Variants in MMP7 observed in about 807,000 individuals in gnomAD.
MMP7 encodes the protein matrix metallopeptidase 7.
MMP7 carries 26 observed loss-of-function variants against 31.5 expected under a neutral mutation model. That is an observed-to-expected ratio of 0.83 (90% CI 0.61 to 1.15). The LOEUF (loss-of-function observed/expected upper bound fraction) is 1.15, where lower values mean the gene tolerates loss of function less well. Ranked by LOEUF, MMP7 falls within the 50% of genes most tolerant of loss-of-function variation. The pLI is 0.00. For synonymous variants in MMP7, 142 were observed against 124.2 expected, an observed-to-expected ratio of 1.14 and a Z score of -0.95; for missense variants, 367 against 326.5, an observed-to-expected ratio of 1.12 and a Z score of -0.96.
At chr11:102,520,845 A>G in intron 5 of MMP7, 41 bp from the exon 6 acceptor site, 1 of 1,357,782 alleles carries the variant, frequency 7.4e-7, no homozygotes, top group Non-Finnish European at 1.0e-6. Context: ...TATGTAGAAA[A>G]TGCATAAAAA....
intron 5 of MMP7, among the ~76,000 whole-genome samples, chr11:102,522,800 G>A (rs17879623): frequency 1.3e-5 from 2 of 152,280 alleles, no homozygotes; most frequent in East Asian, 1.9e-4. Flanking sequence ...GTGGTTAACC[G>A]CTTTCTCTAC....
At chr11:102,526,470 C>T (rs889477323) in intron 3 of MMP7, among the ~76,000 whole-genome samples, 4 of 152,070 alleles carry the variant, frequency 2.6e-5, no homozygotes, top group African/African-American at 9.7e-5. Context: ...CTCCTGACCG[C>T]AGATGATCCA....
intron 1 of MMP7, 68 bp downstream of exon 1, chr11:102,530,525 T>C (rs1565377294): frequency 1.9e-5 from 24 of 1,296,198 alleles, no homozygotes; most frequent in Admixed American, 1.0e-4. Flanking sequence ...AGGGAAATAA[T>C]TGAAAAACAC....
At chr11:102,524,646 G>C (rs1438729576) in intron 4 of MMP7, 1 of 195,422 alleles carries the variant, frequency 5.1e-6, no homozygotes, top group Non-Finnish European at 1.0e-5. Flanking sequence ...TTCCACAGAG[G>C]AGGAAACTGA....
intron 2 of MMP7, 33 bp downstream of exon 2, chr11:102,527,721 ATTG>A: frequency 8.1e-6 from 13 of 1,613,666 alleles, no homozygotes; most frequent in Non-Finnish European, 1.1e-5. Context: ...AACAGGCTTT[ATTG>A]TTTTTGCCAA....
chr11:102,530,015 A>G (rs1381724690), intron 1 of MMP7, among the ~76,000 whole-genome samples: 1 of 152,194 alleles, frequency 6.6e-6, no homozygotes, highest in African/African-American at 2.4e-5. Context: ...TTTCTACTGG[A>G]CACATGAGAA....
At position 102,530,615 on chromosome 11, in the gene MMP7, TC is replaced by T; in HGVS notation, c.85del (p.Glu29SerfsTer27). 1 of 1,613,984 alleles carries T rather than the reference TC, an allele frequency of 6.2e-7. No homozygotes were observed. Among genetic ancestry groups the T allele is most frequent in the Non-Finnish European group, 8.5e-7 (1 of 1,179,896 alleles). Reference protein sequence around the residue: ...PLPQEAGGMSELQWEQAQDYL... With the variant: ...PLPQEAGGMSXLQWEQAQDYL... Reference sequence around the variant, plus strand: ...TACCTGAGCCTGTTCCCACTGTAGCTCACTCATGCCTCCCGCCTCCTGAGGC... The same window carrying T: ...TACCTGAGCCTGTTCCCACTGTAGCTACTCATGCCTCCCGCCTCCTGAGGC... On this transcript the variant is annotated frameshift_variant, in exon 1 of 6. Transcript: ENST00000260227. LOFTEE classifies it high-confidence loss of function.
intron 3 of MMP7, 188 bp downstream of exon 3, chr11:102,527,336 C>CTATTAT (rs1858682694): frequency 2.9e-6 from 2 of 685,900 alleles, no homozygotes; most frequent in Non-Finnish European, 4.7e-6. Context: ...CCAACTGCTG[C>CTATTAT]TATAAAAAGT....
At chr11:102,523,820 C>T (rs1294652112) in intron 4 of MMP7, among the ~76,000 whole-genome samples, 2 of 152,202 alleles carry the variant, frequency 1.3e-5, no homozygotes, top group Admixed American at 1.3e-4. Context: ...AATTTCTGCC[C>T]TCTAGATTTG....
chr11:102,527,472 C>T (rs761508145), intron 3 of MMP7, 52 bp downstream of exon 3: 6 of 1,610,714 alleles, frequency 3.7e-6, no homozygotes, highest in Non-Finnish European at 5.1e-6. Flanking sequence ...CTGATATAAA[C>T]CATGAACAAA....
At chr11:102,525,579 A>T (rs1326590920) in intron 3 of MMP7, among the ~76,000 whole-genome samples, 1 of 152,118 alleles carries the variant, frequency 6.6e-6, no homozygotes, top group Non-Finnish European at 1.5e-5. Flanking sequence ...ACCATTGCTC[A>T]TCACTGATAA....
chr11:102,520,612 G>A lies in MMP7; in HGVS notation c.*164C>T. ...AATAAGACACAGTCACACCATAAAGGAGTTTATCCTTAAAAGGAGTGAAAG... is the reference window on the plus strand; with the variant it reads ...AATAAGACACAGTCACACCATAAAGAAGTTTATCCTTAAAAGGAGTGAAAG... On this transcript the variant is annotated 3_prime_UTR_variant, in exon 6 of 6. Coordinates refer to ENST00000260227, the MANE Select transcript of MMP7 (RefSeq NM_002423.5). 1 of 563,806 alleles carries A rather than the reference G, an allele frequency of 1.8e-6. No homozygotes were observed. Among genetic ancestry groups the A allele is most frequent in the Non-Finnish European group, 3.1e-6 (1 of 318,058 alleles). 34.9% of individuals were successfully genotyped at this position (563,806 alleles called of 1,614,324 possible). A position where few individuals can be genotyped will look rare whatever the true frequency, so the allele number is the denominator to read the frequency against.
chr11:102,524,394 T>A (rs1260640110), intron 4 of MMP7: 1 of 152,220 alleles, frequency 6.6e-6, no homozygotes, highest in Non-Finnish European at 1.5e-5. Flanking sequence ...AAATGATAAA[T>A]ATGATATACT....
At chr11:102,525,396 C>T (rs1037675871) in intron 3 of MMP7, among the ~76,000 whole-genome samples, 3 of 151,198 alleles carry the variant, frequency 2.0e-5, no homozygotes, top group East Asian at 1.9e-4. Flanking sequence ...GAGCTGAGAT[C>T]GCGCCACTGC....
chr11:102,522,125 A>T (rs1858619885), intron 5 of MMP7, among the ~76,000 whole-genome samples: 1 of 152,190 alleles, frequency 6.6e-6, no homozygotes, highest in Non-Finnish European at 1.5e-5. Flanking sequence ...TCTTGAACTT[A>T]TTTCTCCATA....
chr11:102,524,036 A>T (rs1279542735), intron 4 of MMP7, among the ~76,000 whole-genome samples: 1 of 152,182 alleles, frequency 6.6e-6, no homozygotes, highest in Non-Finnish European at 1.5e-5. Flanking sequence ...TACTCATTGA[A>T]AGGCTTTGCA....
Position 102,520,801 on chromosome 11 carries a change from T to C in MMP7, c.779A>G (p.Lys260Arg), listed in dbSNP as rs759849930. 7.0e-6 allele frequency: 11 copies of C among 1,564,486 alleles called. No individual in the cohort carries two copies. The highest frequency in any genetic ancestry group is 8.7e-6 in the Non-Finnish European group (10 of 1,148,316). ...CTATTTCTTTCTTGAATTACTTCTC[T>C]TTCCTATTGAGAGAAAAAAAAAGAA... Reference protein sequence around the residue: ...DIKGIQKLYGKRSNSRKK With the variant: ...DIKGIQKLYGRRSNSRKK Residue 260 changes from lysine to arginine, a missense_variant, in exon 6 of 6, where the codon AAG becomes AGG. By Grantham distance (26) the Lys-to-Arg change is conservative. Transcript: ENST00000260227.
At chr11:102,521,221 G>A (rs1293840535) in intron 5 of MMP7, among the ~76,000 whole-genome samples, 1 of 152,130 alleles carries the variant, frequency 6.6e-6, no homozygotes, top group African/African-American at 2.4e-5. Flanking sequence ...TTTTTGAGAT[G>A]GAGTCTCACT....
Position 102,527,773 on chromosome 11 carries a change from T to C in MMP7, c.319A>G (p.Lys107Glu), listed in dbSNP as rs1315273877. The change falls in exon 2 of 6, where the codon AAA becomes GAA. Residue 107 changes from lysine (K) to glutamate (E), a missense_variant. Physicochemically the swap from Lys to Glu is moderately conservative, Grantham distance 56 (BLOSUM62 1). Transcript: ENST00000260227. Reference sequence around the variant, plus strand: ...AAAACTAACCTGTAGGTGACCACTTTGGAAGTCCATTTTGGGCTATTTGGA... The same window carrying C: ...AAAACTAACCTGTAGGTGACCACTTCGGAAGTCCATTTTGGGCTATTTGGA... ...LFPNSPKWTS[K>E]VVTYRIVSYT... 6 of 1,614,202 alleles carry C rather than the reference T, an allele frequency of 3.7e-6. No homozygotes were observed. The highest frequency in any genetic ancestry group is 1.1e-5 in the South Asian group (1 of 91,082).
Sources: gnomAD v4.1 joint callset for allele counts (sites outside exome capture counted in the v4.1 genomes callset) on GRCh38, gnomAD v4.1.1 for gene constraint, MANE v1.5 for transcripts, NCBI Gene and HGNC (gene_info 2026-07-23, HGNC 2026-07-21) for gene names.